RABGAP1L: variants seen among roughly 807,000 people sequenced by gnomAD.
The protein encoded by RABGAP1L is RAB GTPase activating protein 1 like, also known as rab GTPase-activating protein 1-like.
RABGAP1L carries 63 observed loss-of-function variants against 137.7 expected under a neutral mutation model. The ratio of observed to expected loss-of-function variants is 0.46; its 90% CI spans 0.37 to 0.56. The LOEUF (loss-of-function observed/expected upper bound fraction) is 0.56. Ranked by LOEUF, RABGAP1L falls within the 20% of genes least tolerant of loss-of-function variation. The probability of loss-of-function intolerance (pLI) is 0.00; values close to 1 mark genes in which losing one functional copy is unlikely to be tolerated. For synonymous variants in RABGAP1L, 431 were observed against 433.7 expected (o/e 0.99, Z 0.08); for missense variants, 1,095 against 1,244.0 (o/e 0.88, Z 1.80).
At chr1:174,231,417 T>C in intron 4 of RABGAP1L, 62 bp downstream of exon 4, 1 of 1,425,058 alleles carries the variant, frequency 7.0e-7, no homozygotes, top group Non-Finnish European at 9.9e-7. Flanking sequence ...GGTGAAGATG[T>C]TATAGCATCA....
Position 174,635,339 on chromosome 1 carries a change from C to T in RABGAP1L, c.1711-2036C>T, listed in dbSNP as rs886959367. On this transcript the variant is annotated intron_variant, in intron 13 of 25. Transcript: ENST00000681986. ...CAATGGCAGTAGTAACATTTTTATT[C>T]CTCATCTTTCAGGTAGTTTATAAGT... Among the ~76,000 whole-genome samples, 4 of 152,198 alleles carry T rather than the reference C, an allele frequency of 2.6e-5. No individual in the cohort carries two copies. In the East Asian group the frequency reaches 7.7e-4, roughly 29 times the overall value.
intron 18 of RABGAP1L, chr1:174,757,015 C>G: frequency 1.4e-6 from 1 of 696,446 alleles, no homozygotes; most frequent in Non-Finnish European, 2.5e-6. Context: ...AGCACCCTTC[C>G]TCCAGCTTCT....
intron 21 of RABGAP1L, among the ~76,000 whole-genome samples, chr1:174,973,677 G>T (rs142019611): frequency 6.9e-4 from 105 of 151,758 alleles, no homozygotes; most frequent in African/African-American, 2.3e-3. Context: ...GAGCCACCGC[G>T]CCTGGCCAGC....
intron 19 of RABGAP1L, among the ~76,000 whole-genome samples, chr1:174,906,605 G>T (rs1193325910): frequency 6.6e-6 from 1 of 152,016 alleles, no homozygotes; most frequent in Non-Finnish European, 1.5e-5. Context: ...TCTAGCCTGG[G>T]TGACAGAATG....
In RABGAP1L at chr1:174,250,492, C is replaced by A; in HGVS notation, c.735C>A (p.Tyr245Ter). The A allele has an allele frequency of 8.1e-6, 13 of 1,602,400 alleles. No homozygotes were observed. Among genetic ancestry groups the A allele is most frequent in the Non-Finnish European group, 1.1e-5 (13 of 1,174,212 alleles). Reference sequence around the variant, plus strand: ...TCTTTTAGGTAAGCAGAATTTTGTACAGTTTCTGTACAGCATTCAAACGTT... The same window carrying A: ...TCTTTTAGGTAAGCAGAATTTTGTAAAGTTTCTGTACAGCATTCAAACGTT... ...EIKEAVSRIL[Y>*]SFCTAFKRSS... Residue 245 changes from tyrosine (Y) to a stop codon, truncating the protein, a stop_gained, in exon 6 of 26, where the codon TAC (tyrosine) becomes TAA (stop). Coordinates refer to ENST00000681986, the MANE Select transcript of RABGAP1L (RefSeq NM_001366446.1). LOFTEE classifies it high-confidence loss of function.
At chr1:174,292,329 CTTTTTTTTTT>C (rs61636433) in intron 10 of RABGAP1L, among the ~76,000 whole-genome samples, 7 of 50,600 alleles carry the variant, frequency 1.4e-4, no homozygotes, top group Non-Finnish European at 1.8e-4. Context: ...CCTACCTAAT[CTTTTTTTTTT>C]TTTTTTTTTT....
chr1:174,877,154 T>C (rs1044534251), intron 19 of RABGAP1L, among the ~76,000 whole-genome samples: 23 of 152,190 alleles, frequency 1.5e-4, no homozygotes, highest in African/African-American at 5.3e-4. Context: ...AGGATATTTC[T>C]AGTTAGGAAA....
chr1:174,701,979 A>G (rs1160794593), intron 16 of RABGAP1L, 134 bp from the exon 17 acceptor site: 1 of 719,446 alleles, frequency 1.4e-6, no homozygotes, highest in East Asian at 2.7e-5. Context: ...CTGTGCAGTT[A>G]TACAAGACAA....
intron 11 of RABGAP1L, among the ~76,000 whole-genome samples, chr1:174,319,411 TATTA>T (rs752883514): frequency 3.9e-5 from 6 of 152,170 alleles, no homozygotes; most frequent in South Asian, 2.1e-4. Context: ...TATTCTTGGT[TATTA>T]ATTCTAAGAA....
At chr1:174,695,148 T>C (rs983349161) in intron 15 of RABGAP1L, among the ~76,000 whole-genome samples, 20 of 152,172 alleles carry the variant, frequency 1.3e-4, no homozygotes, top group African/African-American at 3.6e-4. Flanking sequence ...ATTTTGTAGG[T>C]TTATGCATCA....
intron 19 of RABGAP1L, among the ~76,000 whole-genome samples, chr1:174,917,954 CA>C (rs1444836074): frequency 3.4e-5 from 5 of 148,872 alleles, no homozygotes; most frequent in African/African-American, 1.2e-4. Context: ...AAAAAAAGCC[CA>C]AAAAACATGT....
At chr1:174,350,739 C>T (rs1384253394) in intron 11 of RABGAP1L, among the ~76,000 whole-genome samples, 177 of 47,548 alleles carry the variant, frequency 3.7e-3, no homozygotes, top group African/African-American at 0.014. Context: ...CCAAGGCAGG[C>T]GGCTGGGAGG....
At chr1:174,683,014 G>C (rs1437690341) in intron 14 of RABGAP1L, among the ~76,000 whole-genome samples, 3 of 151,286 alleles carry the variant, frequency 2.0e-5, no homozygotes, top group Non-Finnish European at 4.4e-5. Context: ...AAAATGGCAG[G>C]GTAGTTTAAA....
intron 11 of RABGAP1L, among the ~76,000 whole-genome samples, chr1:174,330,100 C>T (rs1037836811): frequency 1.1e-4 from 16 of 152,004 alleles, no homozygotes; most frequent in African/African-American, 2.9e-4. Context: ...TTAACAAGGA[C>T]GAAATCAAGT....
intron 4 of RABGAP1L, among the ~76,000 whole-genome samples, chr1:174,237,862 G>C (rs1270508026): frequency 6.6e-6 from 1 of 150,916 alleles, no homozygotes; most frequent in African/African-American, 2.5e-5. Context: ...ATCCTGCAGA[G>C]TGTTTTCCAA....
At chr1:174,541,945 A>G (rs143307453) in intron 13 of RABGAP1L, among the ~76,000 whole-genome samples, 9,260 of 152,274 alleles carry the variant, frequency 0.061, 1,001 homozygotes, top group African/African-American at 0.21. Flanking sequence ...GATAAAGCCA[A>G]CTTGATCGTG....
intron 20 of RABGAP1L, among the ~76,000 whole-genome samples, chr1:174,962,204 CCCA>C (rs1558286564): frequency 8.0e-6 from 1 of 125,536 alleles, no homozygotes; most frequent in African/African-American, 3.0e-5. Flanking sequence ...ACACCCCCCC[CCCA>C]CACACACACA....
chr1:174,635,968 G>A (rs1276628923), intron 13 of RABGAP1L, among the ~76,000 whole-genome samples: 1 of 152,062 alleles, frequency 6.6e-6, no homozygotes, highest in African/African-American at 2.4e-5. Flanking sequence ...TGAAGAGAAA[G>A]TTTCTTCAAA....
chr1:174,761,866 TA>T lies in RABGAP1L; in HGVS notation c.2211+9513del, dbSNP rs1685255648. On this transcript the variant is annotated intron_variant, in intron 18 of 25. Transcript: ENST00000681986. The surrounding 1 kb of genome is among the most constrained non-coding windows in gnomAD (Gnocchi z 4.0). The stretch of plus-strand genomic sequence containing the variant: ...TTTGGGTGGGGACACAGCCAAACCA[TA>T]TCAACAATAAACATAATAAATATAT... Among the ~76,000 whole-genome samples the T allele has an allele frequency of 2.0e-5, 3 of 152,130 alleles. No individual in the cohort carries two copies. The highest frequency in any genetic ancestry group is 7.2e-5 in the African/African-American group (3 of 41,426).
Sources: gnomAD v4.1 joint callset for allele counts (sites outside exome capture counted in the v4.1 genomes callset) on GRCh38, gnomAD v4.1.1 for gene constraint, Gnocchi (gnomAD v3.1) non-coding constraint, MANE v1.5 for transcripts, NCBI Gene and HGNC (gene_info 2026-07-23, HGNC 2026-07-21) for gene names.